The following HTR1F variants were observed in gnomAD, a reference collection of about 807,000 sequenced individuals.
The protein encoded by HTR1F is 5-hydroxytryptamine (serotonin) receptor 1F, G protein-coupled.
Under a neutral mutation model 24.0 loss-of-function variants are expected in HTR1F, and 17 were observed. The observed-to-expected ratio is 0.71, with a 90% CI of 0.48 to 1.06. HTR1F has a LOEUF of 1.06. HTR1F is among the 50% of genes least tolerant of loss of function. The pLI is 0.00. For synonymous variants in HTR1F, 186 were observed against 156.8 expected, an observed-to-expected ratio of 1.19 and a Z score of -1.39; for missense variants, 391 against 427.8, an observed-to-expected ratio of 0.91 and a Z score of 0.76.
intron 1 of HTR1F, among the ~76,000 whole-genome samples, chr3:87,812,017 C>T (rs1286367603): frequency 6.6e-6 from 1 of 152,152 alleles, no homozygotes; most frequent in Non-Finnish European, 1.5e-5. Flanking sequence ...TCCCCTTCTG[C>T]CATGATTGTG....
At chr3:87,989,886 A>G (rs1401625773) in intron 2 of HTR1F, among the ~76,000 whole-genome samples, 2 of 152,198 alleles carry the variant, frequency 1.3e-5, no homozygotes, top group Non-Finnish European at 2.9e-5. Flanking sequence ...AAAGTTTTCC[A>G]GAGCTTAAAT....
At chr3:87,897,791 A>G (rs1487450310) in intron 2 of HTR1F, among the ~76,000 whole-genome samples, 3 of 151,910 alleles carry the variant, frequency 2.0e-5, no homozygotes, top group African/African-American at 7.3e-5. Context: ...GTTCACTTCC[A>G]TCCTATCTTC....
intron 1 of HTR1F, among the ~76,000 whole-genome samples, chr3:87,810,425 G>T (rs1480339143): frequency 1.3e-5 from 2 of 152,108 alleles, no homozygotes; most frequent in Non-Finnish European, 2.9e-5. Flanking sequence ...TTTTCCCAAA[G>T]TTCCAAGCAG....
At chr3:87,839,515 C>G (rs1213682684) in intron 2 of HTR1F, among the ~76,000 whole-genome samples, 8 of 152,026 alleles carry the variant, frequency 5.3e-5, no homozygotes, top group African/African-American at 1.9e-4. Flanking sequence ...GCTCTTTTCA[C>G]TCAGGATTGC....
intron 1 of HTR1F, among the ~76,000 whole-genome samples, chr3:87,803,569 A>G (rs922343276): frequency 7.2e-5 from 11 of 152,156 alleles, no homozygotes; most frequent in African/African-American, 2.4e-4. Context: ...AACCAGTGTC[A>G]TATATTGGAA....
chr3:87,893,472 A>G (rs887436599), intron 2 of HTR1F, among the ~76,000 whole-genome samples: 7 of 152,330 alleles, frequency 4.6e-5, no homozygotes, highest in South Asian at 2.1e-4. Context: ...GCAGATTATT[A>G]TTAGAAATAT....
chr3:87,910,830 A>T (rs1191178426), intron 2 of HTR1F, among the ~76,000 whole-genome samples: 4 of 152,042 alleles, frequency 2.6e-5, no homozygotes, highest in Non-Finnish European at 4.4e-5. Flanking sequence ...GCTTAAAACC[A>T]TCCAAATACA....
At chr3:87,949,407 C>G (rs1704785047) in intron 2 of HTR1F, among the ~76,000 whole-genome samples, 1 of 152,078 alleles carries the variant, frequency 6.6e-6, no homozygotes, top group South Asian at 2.1e-4. Context: ...TCTACTCAGT[C>G]CTTAGAAGAG....
intron 2 of HTR1F, among the ~76,000 whole-genome samples, chr3:87,841,000 T>C (rs1372621957): frequency 6.6e-6 from 1 of 151,906 alleles, no homozygotes. Context: ...AGAGACACAG[T>C]TCTGACGTTT....
intron 2 of HTR1F, among the ~76,000 whole-genome samples, chr3:87,824,694 C>T (rs1704427511): frequency 6.6e-6 from 1 of 152,108 alleles, no homozygotes; most frequent in South Asian, 2.1e-4. Flanking sequence ...CCATCAGTGT[C>T]CTGGACTGGG....
At chr3:87,827,017 C>A (rs1223043022) in intron 2 of HTR1F, among the ~76,000 whole-genome samples, 1 of 151,974 alleles carries the variant, frequency 6.6e-6, no homozygotes, top group East Asian at 1.9e-4. Flanking sequence ...CGCCATGTTG[C>A]CCAGGCTGGT....
At chr3:87,809,774 T>C (rs1261026296) in intron 1 of HTR1F, among the ~76,000 whole-genome samples, 1 of 152,060 alleles carries the variant, frequency 6.6e-6, no homozygotes, top group Non-Finnish European at 1.5e-5. Flanking sequence ...AAACACATGA[T>C]TGTCCGATCT....
intron 2 of HTR1F, among the ~76,000 whole-genome samples, chr3:87,981,168 C>T (rs997753783): frequency 5.3e-5 from 8 of 152,128 alleles, no homozygotes; most frequent in Admixed American, 3.3e-4. Flanking sequence ...CTAGCACTTA[C>T]GGGTTTGTTT....
At chr3:87,899,348 A>G (rs974989662) in intron 2 of HTR1F, among the ~76,000 whole-genome samples, 2 of 152,208 alleles carry the variant, frequency 1.3e-5, no homozygotes, top group South Asian at 2.1e-4. Flanking sequence ...TCATTAAAAC[A>G]GCTTTTTAGA....
chr3:87,935,271 G>A (rs1704384286), intron 2 of HTR1F, among the ~76,000 whole-genome samples: 1 of 152,104 alleles, frequency 6.6e-6, no homozygotes, highest in Non-Finnish European at 1.5e-5. Context: ...AGGGAGTGTG[G>A]GTAGCATGCT....
intron 2 of HTR1F, among the ~76,000 whole-genome samples, chr3:87,905,086 T>C (rs1703630567): frequency 1.3e-5 from 2 of 151,966 alleles, no homozygotes; most frequent in African/African-American, 2.4e-5. Context: ...GGTGGGAGGA[T>C]AGCTTGACGC....
At chr3:87,794,300 C>T (rs982840575) in intron 1 of HTR1F, among the ~76,000 whole-genome samples, 1 of 152,194 alleles carries the variant, frequency 6.6e-6, no homozygotes, top group Non-Finnish European at 1.5e-5. Flanking sequence ...AGCATCACCA[C>T]TTCGTGCCTT....
At position 87,877,427 on chromosome 3, in the gene HTR1F, A is replaced by C. The variant is rs188921628; in HGVS notation, c.-43+55303A>C. Among the ~76,000 whole-genome samples the C allele has an allele frequency of 3.9e-5, 6 of 152,240 alleles. No individual in the cohort carries two copies. The East Asian group carries it at 1.2e-3, about 29-fold the overall frequency. ...AATTTTTAGTGAATTGAAAGAAAAA[A>C]CATTCCAAAACTATAAATGGGGGAT... On this transcript the variant is annotated intron_variant, in intron 2 of 2. Coordinates refer to ENST00000319595, the MANE Select transcript of HTR1F (RefSeq NM_001322209.2).
intron 2 of HTR1F, among the ~76,000 whole-genome samples, chr3:87,918,064 A>G (rs1439170284): frequency 1.3e-5 from 2 of 152,094 alleles, no homozygotes; most frequent in Non-Finnish European, 2.9e-5. Flanking sequence ...ATGATTTAAC[A>G]TACACAAGTC....
Sources: allele counts gnomAD v4.1 joint callset (sites outside exome capture counted in the v4.1 genomes callset), GRCh38; gene constraint gnomAD v4.1.1; transcripts MANE v1.5; gene names NCBI Gene and HGNC (gene_info 2026-07-23, HGNC 2026-07-21).